The following FRY variants were observed in gnomAD, a reference collection of about 807,000 sequenced individuals.
The protein encoded by FRY is FRY microtubule binding protein.
In FRY, 128 loss-of-function variants were observed where a neutral mutation model predicts 348.4. That is an observed-to-expected ratio of 0.37 (90% confidence interval 0.32 to 0.43). The LOEUF (loss-of-function observed/expected upper bound fraction) is 0.43. Among genes scored for constraint, FRY ranks in the 20% least tolerant of loss-of-function variants. The pLI is 1.00. For missense variants in FRY, 2,736 were observed against 3,695.2 expected (o/e 0.74, Z 6.73); for synonymous variants, 1,370 against 1,374.7 (o/e 1.00, Z 0.08).
rs781237366 is a variant in FRY, at chr13:32,247,431, C to T, written c.6937C>T (p.His2313Tyr). Residue 2313 changes from histidine to tyrosine, a missense_variant, in exon 48 of 61, where the codon CAT becomes TAT. His to Tyr is a moderately conservative substitution (Grantham distance 83). Coordinates refer to ENST00000542859, the MANE Select transcript of FRY (RefSeq NM_023037.3). The part of the protein sequence containing the change: ...QHSDLSKIEI[H>Y]RVWTSASKEL... ...CAGTGACCTCTCAAAAATAGAAATACATCGAGTGTGGACTAGTGCTTCCAA... is the reference window on the plus strand; with the variant it reads ...CAGTGACCTCTCAAAAATAGAAATATATCGAGTGTGGACTAGTGCTTCCAA... 1.2e-6 allele frequency: 2 copies of T among 1,613,184 alleles called. No individual in the cohort carries two copies. The highest frequency in any genetic ancestry group is 3.3e-5 in the Admixed American group (2 of 59,996).
At chr13:32,146,475 A>G (rs1880463824) in intron 11 of FRY, among the ~76,000 whole-genome samples, 1 of 152,172 alleles carries the variant, frequency 6.6e-6, no homozygotes. Flanking sequence ...AGCTGGGATT[A>G]CAGGCACCCG....
At chr13:32,243,530 A>G (rs560382456) in intron 46 of FRY, among the ~76,000 whole-genome samples, 5 of 152,336 alleles carry the variant, frequency 3.3e-5, no homozygotes, top group Admixed American at 6.5e-5. Context: ...TTCCACTGAT[A>G]TGTAAGAATA....
At chr13:32,119,885 T>C (rs974690489) in intron 4 of FRY, among the ~76,000 whole-genome samples, 4 of 152,224 alleles carry the variant, frequency 2.6e-5, no homozygotes, top group Non-Finnish European at 4.4e-5. Flanking sequence ...CATTTACTCC[T>C]TGAAAGATAA....
At chr13:32,036,641 G>T (rs148438503) in intron 1 of FRY, among the ~76,000 whole-genome samples, 22 of 152,092 alleles carry the variant, frequency 1.4e-4, no homozygotes, top group African/African-American at 5.3e-4. Flanking sequence ...GAGACACTGG[G>T]TGCAAACCGG....
chr13:32,080,671 G>A (rs1317148214), intron 2 of FRY, among the ~76,000 whole-genome samples: 1 of 152,096 alleles, frequency 6.6e-6, no homozygotes, highest in Non-Finnish European at 1.5e-5. Context: ...GCTGACCCTT[G>A]GAGCCTCCAA....
At chr13:32,195,194 A>G (rs998102259) in intron 29 of FRY, among the ~76,000 whole-genome samples, 2 of 152,198 alleles carry the variant, frequency 1.3e-5, no homozygotes, top group Admixed American at 1.3e-4. Flanking sequence ...TTTTATAAAG[A>G]TAGTAGATAA....
At chr13:32,074,046 A>G (rs1874848635) in intron 1 of FRY, among the ~76,000 whole-genome samples, 1 of 152,214 alleles carries the variant, frequency 6.6e-6, no homozygotes, top group African/African-American at 2.4e-5. Flanking sequence ...GTTGGGGGAA[A>G]AATAGTCAGT....
intron 1 of FRY, among the ~76,000 whole-genome samples, chr13:32,032,888 T>C (rs1006437002): frequency 6.6e-6 from 1 of 152,238 alleles, no homozygotes; most frequent in Non-Finnish European, 1.5e-5. Context: ...CTCAAAGAGC[T>C]AGTGATTAAT....
intron 53 of FRY, among the ~76,000 whole-genome samples, chr13:32,264,900 G>T (rs1196930468): frequency 6.6e-6 from 1 of 152,166 alleles, no homozygotes; most frequent in Non-Finnish European, 1.5e-5. Context: ...AGGTATCCTG[G>T]GCATCTACTG....
In FRY at chr13:32,267,246, G is replaced by A. The variant is rs747435005; in HGVS notation, c.8023G>A (p.Ala2675Thr). The A allele has an allele frequency of 3.1e-5, 50 of 1,600,050 alleles. No homozygotes were observed. Among genetic ancestry groups the A allele is most frequent in the East Asian group, 1.4e-4 (6 of 43,574 alleles). The change falls in exon 55 of 61, where the codon GCA becomes ACA. Residue 2675 changes from alanine to threonine, a missense_variant. Around this residue, in one of 9 missense-constraint regions of FRY, gnomAD observed 789 missense variants for 996.2 expected, o/e 0.79. Coordinates refer to ENST00000542859, the MANE Select transcript of FRY (RefSeq NM_023037.3). ...FSAILAAFQPAACDDAEEAWR... is the reference protein window; with the variant it reads ...FSAILAAFQPTACDDAEEAWR... ...AGCCATCCTTGCCGCCTTTCAGCCCGCAGCCTGTGACGATGCCGAGGAGGC... is the reference window on the plus strand; with the variant it reads ...AGCCATCCTTGCCGCCTTTCAGCCCACAGCCTGTGACGATGCCGAGGAGGC...
chr13:32,159,381 G>T (rs1009976293), intron 16 of FRY, among the ~76,000 whole-genome samples: 2 of 152,162 alleles, frequency 1.3e-5, no homozygotes, highest in African/African-American at 4.8e-5. Context: ...CAGGCCCTAC[G>T]CAGGGTAAGA....
In FRY at chr13:32,275,114, C is replaced by G. The variant is rs768197310; in HGVS notation, c.8286+123C>G. 9 of 846,790 alleles carry G rather than the reference C, an allele frequency of 1.1e-5. 1 individual carries two copies. Among genetic ancestry groups the G allele is most frequent in the South Asian group, 8.4e-5 (6 of 71,382 alleles). 52.5% of individuals were successfully genotyped at this position (846,790 alleles called of 1,614,324 possible). On this transcript the variant is annotated intron_variant, in intron 56 of 60. Transcript: ENST00000542859. ...TACCTTCTGGCCGGGTGCGGTGGCT[C>G]AAGCCTGTAATCCCAGCACTTTGGG...
At chr13:32,208,708 C>A in intron 31 of FRY, 145 bp from the exon 32 acceptor site, 2 of 934,398 alleles carry the variant, frequency 2.1e-6, no homozygotes, top group Non-Finnish European at 3.4e-6. Context: ...TTGGTTTTAT[C>A]ATTCTGTGGC....
intron 46 of FRY, among the ~76,000 whole-genome samples, chr13:32,240,461 T>G (rs898651934): frequency 1.3e-5 from 2 of 152,256 alleles, no homozygotes; most frequent in Non-Finnish European, 2.9e-5. Flanking sequence ...GCATACATTC[T>G]GAAATAAACT....
At chr13:32,236,968 A>G (rs1886258652) in intron 43 of FRY, among the ~76,000 whole-genome samples, 1 of 152,164 alleles carries the variant, frequency 6.6e-6, no homozygotes, top group South Asian at 2.1e-4. Context: ...TTCCTTTGAC[A>G]TGAACATTTA....
chr13:32,106,148 T>C (rs992602541), intron 3 of FRY, among the ~76,000 whole-genome samples: 1 of 148,202 alleles, frequency 6.7e-6, no homozygotes, highest in African/African-American at 2.4e-5. Flanking sequence ...TTAAATATAC[T>C]ATTGTATTAA....
chr13:32,065,399 G>A (rs945927128), intron 1 of FRY, among the ~76,000 whole-genome samples: 2 of 151,692 alleles, frequency 1.3e-5, no homozygotes, highest in African/African-American at 2.4e-5. Context: ...TCCACCTCCC[G>A]GGTTCAAGCA....
chr13:32,182,170 C>CT (rs1882755350), intron 23 of FRY, among the ~76,000 whole-genome samples: 1 of 152,206 alleles, frequency 6.6e-6, no homozygotes, highest in Non-Finnish European at 1.5e-5. Context: ...ACATACTAGT[C>CT]TGACAACAAG....
At chr13:32,193,445 A>ACGG (rs1238334047) in intron 28 of FRY, among the ~76,000 whole-genome samples, 3 of 152,060 alleles carry the variant, frequency 2.0e-5, no homozygotes, top group Non-Finnish European at 4.4e-5. Flanking sequence ...CTCTGCATGC[A>ACGG]CGGTGGTAAC....
Sources: allele counts gnomAD v4.1 joint callset (sites outside exome capture counted in the v4.1 genomes callset), GRCh38; gene constraint gnomAD v4.1.1; regional missense constraint gnomAD v4.1.1; transcripts MANE v1.5; gene names NCBI Gene and HGNC (gene_info 2026-07-23, HGNC 2026-07-21).